Variants in C4orf36 observed in about 807,000 individuals in gnomAD.
C4orf36 encodes the protein chromosome 4 open reading frame 36.
Under a neutral mutation model 12.2 loss-of-function variants are expected in C4orf36, and 11 were observed. The observed-to-expected ratio is 0.90, with a 90% CI of 0.57 to 1.49. C4orf36 has a LOEUF of 1.49. Among genes scored for constraint, C4orf36 ranks in the 40% most tolerant of loss-of-function variants. C4orf36 has a pLI of 0.00. For missense variants in C4orf36, 137 were observed against 133.9 expected, an observed-to-expected ratio of 1.02 and a Z score of -0.11; for synonymous variants, 54 against 51.3, an observed-to-expected ratio of 1.05 and a Z score of -0.22.
the C4orf36 span, among the ~76,000 whole-genome samples, chr4:86,898,341 G>A: frequency 1.3e-5 from 2 of 151,618 alleles, no homozygotes; most frequent in South Asian, 2.1e-4. Context: ...GCAGTGAGCC[G>A]AGATCATGCC....
the C4orf36 span, among the ~76,000 whole-genome samples, chr4:86,912,063 C>T: frequency 3.9e-5 from 6 of 152,024 alleles, no homozygotes; most frequent in South Asian, 2.1e-4. Flanking sequence ...TTAGTAGAGA[C>T]GAAGTTTCTC....
intron 4 of C4orf36, among the ~76,000 whole-genome samples, chr4:86,879,704 A>G (rs548083707): frequency 7.9e-5 from 12 of 152,302 alleles, no homozygotes; most frequent in Admixed American, 7.2e-4. Context: ...TCCAACTAGG[A>G]TAAACCAAAG....
the C4orf36 span, among the ~76,000 whole-genome samples, chr4:86,927,184 AATGAATAC>A: frequency 1.3e-5 from 2 of 152,194 alleles, no homozygotes; most frequent in Admixed American, 1.3e-4. Flanking sequence ...TTGTTGAATG[AATGAATAC>A]ATGAATAAAT....
At chr4:86,927,337 A>G in the C4orf36 span, among the ~76,000 whole-genome samples, 1 of 152,160 alleles carries the variant, frequency 6.6e-6, no homozygotes, top group African/African-American at 2.4e-5. Flanking sequence ...AGATCCAGTC[A>G]TGTGTTTTTG....
the C4orf36 span, among the ~76,000 whole-genome samples, chr4:86,904,145 T>C: frequency 6.6e-6 from 1 of 152,138 alleles, no homozygotes; most frequent in Non-Finnish European, 1.5e-5. Flanking sequence ...GGCACTCCGG[T>C]AGCCCAGAAG....
intron 4 of C4orf36, among the ~76,000 whole-genome samples, chr4:86,885,939 T>A (rs1747167746): frequency 6.6e-6 from 1 of 152,244 alleles, no homozygotes; most frequent in Admixed American, 6.5e-5. Flanking sequence ...AGGCCTTTTC[T>A]GCATCTATGG....
the C4orf36 span, among the ~76,000 whole-genome samples, chr4:86,903,578 G>C: frequency 6.6e-6 from 1 of 152,216 alleles, no homozygotes; most frequent in Non-Finnish European, 1.5e-5. Flanking sequence ...AGCTCCTAAA[G>C]GTGGCGCAGG....
chr4:86,928,637 C>T, the C4orf36 span, among the ~76,000 whole-genome samples: 2 of 152,246 alleles, frequency 1.3e-5, no homozygotes, highest in Non-Finnish European at 2.9e-5. Flanking sequence ...TGAGCTGACA[C>T]TGTGGGCTTC....
chr4:86,917,886 A>G, the C4orf36 span, among the ~76,000 whole-genome samples: 3 of 152,252 alleles, frequency 2.0e-5, no homozygotes, highest in African/African-American at 4.8e-5. Context: ...AAGTATTTGT[A>G]TAAACATAGA....
chr4:86,883,693 C>T (rs1297345724), intron 4 of C4orf36, among the ~76,000 whole-genome samples: 1 of 152,170 alleles, frequency 6.6e-6, no homozygotes, highest in African/African-American at 2.4e-5. Context: ...TATTCTTAAA[C>T]AGTATGCCAC....
chr4:86,899,597 A>G, the C4orf36 span, among the ~76,000 whole-genome samples: 1 of 152,170 alleles, frequency 6.6e-6, no homozygotes, highest in Admixed American at 6.5e-5. Context: ...GCAGTGGTGG[A>G]CAGATTGCTG....
chr4:86,922,831 G>A, the C4orf36 span, among the ~76,000 whole-genome samples: 1 of 152,150 alleles, frequency 6.6e-6, no homozygotes, highest in Admixed American at 6.6e-5. Flanking sequence ...TCCTCTCCAA[G>A]GGGGTCTGAA....
At chr4:86,891,267 G>A (rs78525443) in intron 2 of C4orf36, among the ~76,000 whole-genome samples, 189 bp downstream of exon 2, 2,826 of 106,442 alleles carry the variant, frequency 0.027, 102 homozygotes, top group African/African-American at 0.087. Context: ...GACCAAGTAA[G>A]ATAATTAACT....
chr4:86,924,851 T>C, the C4orf36 span: 1 of 152,174 alleles, frequency 6.6e-6, no homozygotes, highest in East Asian at 1.9e-4. Flanking sequence ...GTAACTTATT[T>C]AAAAAAGAGG....
the C4orf36 span, among the ~76,000 whole-genome samples, chr4:86,912,063 CGA>C: frequency 8.5e-3 from 1,296 of 152,022 alleles, 21 homozygotes; most frequent in African/African-American, 0.03. Flanking sequence ...TTAGTAGAGA[CGA>C]AGTTTCTCCA....
chr4:86,892,498 C>T (rs542526496), upstream of C4orf36: 94 of 977,920 alleles, frequency 9.6e-5, no homozygotes, highest in African/African-American at 1.6e-3. Context: ...GAGGGGACGC[C>T]GGGCCCGGGA....
At chr4:86,918,619 A>G in the C4orf36 span, among the ~76,000 whole-genome samples, 1 of 152,180 alleles carries the variant, frequency 6.6e-6, no homozygotes, top group African/African-American at 2.4e-5. Context: ...CAACAGGTAG[A>G]ATAAGTGGTT....
upstream of C4orf36, among the ~76,000 whole-genome samples, chr4:86,893,939 C>G (rs1220184815): frequency 6.6e-6 from 1 of 151,622 alleles, no homozygotes; most frequent in Non-Finnish European, 1.5e-5. Context: ...CTCTGTCGCC[C>G]AGGCTGGAGT....
intron 4 of C4orf36, among the ~76,000 whole-genome samples, chr4:86,884,493 C>A (rs941654422): frequency 1.3e-5 from 2 of 151,764 alleles, no homozygotes; most frequent in East Asian, 3.9e-4. Context: ...TTTGTGGAGA[C>A]CGGGTCTCCC....
Sources: allele counts gnomAD v4.1 joint callset (sites outside exome capture counted in the v4.1 genomes callset), GRCh38; gene constraint gnomAD v4.1.1; transcripts MANE v1.5; gene names NCBI Gene and HGNC (gene_info 2026-07-23, HGNC 2026-07-21).